The following COL22A1 variants were observed in gnomAD, a reference collection of about 807,000 sequenced individuals.
The protein encoded by COL22A1 is collagen type XXII alpha 1 chain, also known as collagen alpha-1(XXII) chain.
A neutral mutation model predicts 248.9 loss-of-function variants in COL22A1; 221 were observed. The ratio of observed to expected loss-of-function variants is 0.89; its 90% CI spans 0.80 to 0.99. The LOEUF is 0.99. Ranked by LOEUF, COL22A1 falls within the 50% of genes least tolerant of loss-of-function variation. COL22A1 has a pLI of 0.00. For synonymous variants in COL22A1, 891 were observed against 793.4 expected (o/e 1.12, Z -2.07); for missense variants, 2,240 against 2,179.0 (o/e 1.03, Z -0.56).
intron 60 of COL22A1, among the ~76,000 whole-genome samples, chr8:138,601,874 C>T (rs1356104065): frequency 6.6e-6 from 1 of 151,488 alleles, no homozygotes; most frequent in South Asian, 2.1e-4. Flanking sequence ...AAAATGATAA[C>T]CAAAAAGAAA....
intron 22 of COL22A1, among the ~76,000 whole-genome samples, chr8:138,738,795 T>C (rs752277966): frequency 1.3e-5 from 2 of 152,200 alleles, no homozygotes; most frequent in Admixed American, 1.3e-4. Context: ...ATCTGTGAGA[T>C]TGTAAAACTT....
intron 5 of COL22A1, among the ~76,000 whole-genome samples, chr8:138,827,800 G>A (rs148273330): frequency 1.0e-4 from 15 of 148,058 alleles, no homozygotes; most frequent in African/African-American, 3.8e-4. Context: ...ATCTTCCTCT[G>A]TATCATGTAC....
chr8:138,675,133 C>T (rs1022971275), intron 41 of COL22A1, among the ~76,000 whole-genome samples: 1 of 152,066 alleles, frequency 6.6e-6, no homozygotes, highest in Non-Finnish European at 1.5e-5. Context: ...ATGAAACAAC[C>T]CATCATTGTG....
At chr8:138,686,285 C>CT (rs535930353) in intron 37 of COL22A1, among the ~76,000 whole-genome samples, 50 of 152,300 alleles carry the variant, frequency 3.3e-4, no homozygotes, top group African/African-American at 1.2e-3. Context: ...CAGGCCAGTG[C>CT]TTCATCTTCT....
At chr8:138,880,450 A>AT (rs1443103406) in intron 2 of COL22A1, among the ~76,000 whole-genome samples, 3 of 152,154 alleles carry the variant, frequency 2.0e-5, no homozygotes, top group African/African-American at 7.2e-5. Flanking sequence ...TATTTTTTGT[A>AT]TTTTTTGCTC....
chr8:138,737,060 T>C (rs1034500994), intron 23 of COL22A1, among the ~76,000 whole-genome samples: 9 of 152,132 alleles, frequency 5.9e-5, no homozygotes, highest in African/African-American at 2.2e-4. Flanking sequence ...CGGCACCACA[T>C]GCTGCTCCAT....
intron 58 of COL22A1, 146 bp downstream of exon 58, chr8:138,606,235 A>G: frequency 2.8e-6 from 2 of 707,538 alleles, no homozygotes; most frequent in South Asian, 3.7e-5. Context: ...TGTCTCTTAA[A>G]CCATGATGCA....
chr8:138,652,735 G>GTTTTTTTTTTT (rs71316352), intron 45 of COL22A1, among the ~76,000 whole-genome samples: 826 of 54,274 alleles, frequency 0.015, 250 homozygotes, highest in East Asian at 0.028. Flanking sequence ...TCCTTTTCTG[G>GTTTTTTTTTTT]TTTTTTTTTT....
At chr8:138,698,055 G>T (rs1057427824) in intron 32 of COL22A1, among the ~76,000 whole-genome samples, 1 of 152,224 alleles carries the variant, frequency 6.6e-6, no homozygotes, top group African/African-American at 2.4e-5. Context: ...GAATGCTCTG[G>T]AAGTTGTGTT....
rs543217430 is a variant in COL22A1, at chr8:138,884,316, G to A, written c.-72-1072C>T. Among the ~76,000 whole-genome samples, 5 of 152,314 alleles carry A rather than the reference G, an allele frequency of 3.3e-5. No individual in the cohort carries two copies. The South Asian group carries it at 1.0e-3, about 32-fold the overall frequency. ...GTGGACTGCTTGATCCCTGGAGGCT[G>A]AGGCCAGGCCAACTTCACTGGGCAT... On this transcript the variant is annotated intron_variant, in intron 1 of 64. Coordinates refer to ENST00000303045, the MANE Select transcript of COL22A1 (RefSeq NM_152888.3).
chr8:138,770,282 G>T (rs575777135), intron 16 of COL22A1, among the ~76,000 whole-genome samples: 343 of 152,312 alleles, frequency 2.3e-3, no homozygotes, highest in African/African-American at 7.8e-3. Context: ...AACGCCCAGT[G>T]CTTGGCCCTT....
At chr8:138,714,382 C>T (rs1420753000) in intron 30 of COL22A1, among the ~76,000 whole-genome samples, 3 of 152,194 alleles carry the variant, frequency 2.0e-5, no homozygotes, top group Non-Finnish European at 4.4e-5. Context: ...GACCTCATCC[C>T]CTGGATCCCA....
At chr8:138,692,682 C>T (rs1827189571) in intron 35 of COL22A1, among the ~76,000 whole-genome samples, 1 of 152,054 alleles carries the variant, frequency 6.6e-6, no homozygotes, top group African/African-American at 2.4e-5. Context: ...TTCCTCCAGG[C>T]CTTGTTCCCC....
chr8:138,632,145 G>T (rs1471132930), intron 49 of COL22A1, among the ~76,000 whole-genome samples: 1 of 152,050 alleles, frequency 6.6e-6, no homozygotes, highest in Non-Finnish European at 1.5e-5. Context: ...CATTAGGAAG[G>T]GGAGGAGCAA....
chr8:138,784,386 C>T (rs1815317341), intron 12 of COL22A1, among the ~76,000 whole-genome samples: 3 of 152,204 alleles, frequency 2.0e-5, no homozygotes, highest in Admixed American at 2.0e-4. Context: ...GTTAAACTAT[C>T]ACAAGCATCT....
intron 6 of COL22A1, 73 bp downstream of exon 6, chr8:138,826,585 G>A (rs1425124884): frequency 6.6e-7 from 1 of 1,505,102 alleles, no homozygotes; most frequent in Non-Finnish European, 9.2e-7. Context: ...AAAACATGGT[G>A]GGTGGTGCCA....
At chr8:138,696,172 T>C (rs988801391) in intron 32 of COL22A1, among the ~76,000 whole-genome samples, 2 of 152,124 alleles carry the variant, frequency 1.3e-5, no homozygotes, top group Admixed American at 6.5e-5. Context: ...GGACGGCAGA[T>C]AACAACCAGA....
At chr8:138,808,708 T>A (rs1055825085) in intron 9 of COL22A1, among the ~76,000 whole-genome samples, 4 of 152,048 alleles carry the variant, frequency 2.6e-5, no homozygotes, top group African/African-American at 9.6e-5. Context: ...CATTTATGTG[T>A]TCACTTAGTG....
intron 55 of COL22A1, among the ~76,000 whole-genome samples, chr8:138,615,601 A>T (rs1819250870): frequency 6.6e-6 from 1 of 151,632 alleles, no homozygotes; most frequent in South Asian, 2.1e-4. Context: ...AGGGAGAGCC[A>T]TTCAAGTGGT....
Sources: gnomAD v4.1 joint callset for allele counts (sites outside exome capture counted in the v4.1 genomes callset) on GRCh38, gnomAD v4.1.1 for gene constraint, MANE v1.5 for transcripts, NCBI Gene and HGNC (gene_info 2026-07-23, HGNC 2026-07-21) for gene names.